ROBO1: variants seen among roughly 807,000 people sequenced by gnomAD.
ROBO1 encodes roundabout guidance receptor 1.
ROBO1 carries 149 observed loss-of-function variants against 195.9 expected under a neutral mutation model. That is an observed-to-expected ratio of 0.76 (90% CI 0.67 to 0.87). The LOEUF is 0.87. Among genes scored for constraint, ROBO1 ranks in the 40% least tolerant of loss-of-function variants. The pLI is 0.00. For missense variants in ROBO1, 1,933 were observed against 2,068.3 expected, an observed-to-expected ratio of 0.93 and a Z score of 1.27; for synonymous variants, 816 against 733.2, an observed-to-expected ratio of 1.11 and a Z score of -1.82.
chr3:79,662,700 C>T (rs917424042), intron 1 of ROBO1, among the ~76,000 whole-genome samples: 4 of 152,036 alleles, frequency 2.6e-5, no homozygotes, highest in Non-Finnish European at 4.4e-5. Flanking sequence ...TCTCAAATTC[C>T]CAGTGGACCC....
intron 2 of ROBO1, among the ~76,000 whole-genome samples, chr3:79,503,330 G>A (rs1384494726): frequency 6.6e-6 from 1 of 152,102 alleles, no homozygotes. Flanking sequence ...CGAACACATG[G>A]GAACATCAGA....
At chr3:78,981,579 T>G (rs1314816760) in intron 3 of ROBO1, among the ~76,000 whole-genome samples, 1 of 152,144 alleles carries the variant, frequency 6.6e-6, no homozygotes, top group East Asian at 1.9e-4. Context: ...CTTGGAAAAC[T>G]GAAACTCTAT....
At chr3:79,633,456 G>T (rs1329124975) in intron 1 of ROBO1, among the ~76,000 whole-genome samples, 1 of 150,014 alleles carries the variant, frequency 6.7e-6, no homozygotes, top group Non-Finnish European at 1.5e-5. Flanking sequence ...AAACTGCTAG[G>T]ACAATCGGCA....
chr3:79,510,711 C>T (rs982134570), intron 2 of ROBO1, among the ~76,000 whole-genome samples: 1 of 151,974 alleles, frequency 6.6e-6, no homozygotes, highest in East Asian at 1.9e-4. Context: ...TATGAAATGT[C>T]TATGCGACAG....
At chr3:78,875,352 TGA>T (rs1310324671) in intron 4 of ROBO1, among the ~76,000 whole-genome samples, 1 of 151,972 alleles carries the variant, frequency 6.6e-6, no homozygotes, top group East Asian at 1.9e-4. Context: ...GGAGAAAGAC[TGA>T]GAGAGACAAT....
intron 28 of ROBO1, among the ~76,000 whole-genome samples, chr3:78,611,683 A>T (rs1248240147): frequency 6.6e-6 from 1 of 152,190 alleles, no homozygotes. Context: ...GCCCCCTTAA[A>T]ATTCAAATGT....
chr3:79,390,789 A>ATT (rs35832274), intron 2 of ROBO1, among the ~76,000 whole-genome samples: 2 of 152,122 alleles, frequency 1.3e-5, no homozygotes, highest in Admixed American at 6.5e-5. Flanking sequence ...TGTAGTAAAA[A>ATT]TTGGCAGCCA....
chr3:79,619,854 G>C (rs906588983), intron 1 of ROBO1, among the ~76,000 whole-genome samples: 4 of 152,062 alleles, frequency 2.6e-5, no homozygotes, highest in Admixed American at 2.6e-4. Context: ...TAAGAAAAAG[G>C]TCCAAAAATT....
At chr3:78,795,167 T>C (rs1196471589) in intron 4 of ROBO1, among the ~76,000 whole-genome samples, 1 of 152,178 alleles carries the variant, frequency 6.6e-6, no homozygotes, top group Non-Finnish European at 1.5e-5. Flanking sequence ...TGTACTGATC[T>C]AACCTTATTC....
intron 8 of ROBO1, among the ~76,000 whole-genome samples, chr3:78,697,515 T>C (rs762888144): frequency 6.6e-6 from 1 of 152,132 alleles, no homozygotes; most frequent in Non-Finnish European, 1.5e-5. Flanking sequence ...CAAGAAAAGA[T>C]GATAATCGGC....
At chr3:79,318,687 C>T (rs561804676) in intron 2 of ROBO1, among the ~76,000 whole-genome samples, 3 of 152,248 alleles carry the variant, frequency 2.0e-5, no homozygotes, top group East Asian at 3.9e-4. Context: ...ACCACAATAG[C>T]GATGCATTTC....
At chr3:78,748,652 A>C (rs2082716429) in intron 4 of ROBO1, among the ~76,000 whole-genome samples, 1 of 152,010 alleles carries the variant, frequency 6.6e-6, no homozygotes, top group Non-Finnish European at 1.5e-5. Flanking sequence ...CTTTTTTTCA[A>C]AACCTCAAAC....
In ROBO1 at chr3:78,600,259, T is replaced by C. The variant is rs1436562425; in HGVS notation, c.4795A>G (p.Arg1599Gly). The C allele has an allele frequency of 6.2e-7, 1 of 1,613,294 alleles. No individual in the cohort carries two copies. Among genetic ancestry groups the C allele is most frequent in the Non-Finnish European group, 8.5e-7 (1 of 1,179,304 alleles). Residue 1599 changes from arginine (R) to glycine (G), a missense_variant, in exon 30 of 31, where the codon AGA becomes GGA. Arg to Gly is a moderately radical substitution (Grantham distance 125). Coordinates refer to ENST00000464233, the MANE Select transcript of ROBO1 (RefSeq NM_002941.4). ...ATTGAGCTTGAGGAACTGGGATCTC[T>C]GGGATTATTTGATGTTGGAAAAGTA... ...RPTFPTSNNP[R>G]DPSSSSSMSS...
chr3:79,709,685 C>T (rs1490452949), intron 1 of ROBO1, among the ~76,000 whole-genome samples: 1 of 150,764 alleles, frequency 6.6e-6, no homozygotes, highest in Non-Finnish European at 1.5e-5. Flanking sequence ...TTGTTATGCT[C>T]TCAATGTTTG....
At chr3:78,667,775 A>C (rs1707818408) in intron 14 of ROBO1, 108 bp downstream of exon 14, 15 of 1,140,720 alleles carry the variant, frequency 1.3e-5, no homozygotes, top group Non-Finnish European at 1.8e-5. Flanking sequence ...AACTTGAACA[A>C]CACACTGTAA....
intron 25 of ROBO1, among the ~76,000 whole-genome samples, chr3:78,629,462 C>T (rs1471099488): frequency 6.6e-6 from 1 of 151,920 alleles, no homozygotes; most frequent in Non-Finnish European, 1.5e-5. Context: ...GAGGCTGAGG[C>T]GGGACGATCG....
intron 2 of ROBO1, among the ~76,000 whole-genome samples, chr3:79,268,522 A>C (rs1011608528): frequency 6.6e-6 from 1 of 151,544 alleles, no homozygotes; most frequent in African/African-American, 2.4e-5. Context: ...ACATTGTTTC[A>C]TTTCCCCTTT....
intron 2 of ROBO1, among the ~76,000 whole-genome samples, chr3:79,528,208 T>C (rs1485499171): frequency 6.6e-6 from 1 of 152,250 alleles, no homozygotes; most frequent in African/African-American, 2.4e-5. Flanking sequence ...AAATCAATTA[T>C]GTGAAATCAC....
intron 1 of ROBO1, among the ~76,000 whole-genome samples, chr3:79,662,631 GA>G (rs1449078567): frequency 6.6e-6 from 1 of 152,068 alleles, no homozygotes; most frequent in Non-Finnish European, 1.5e-5. Flanking sequence ...CTTGCCATTT[GA>G]AAGAGACTTC....
Sources: gnomAD v4.1 joint callset for allele counts (sites outside exome capture counted in the v4.1 genomes callset) on GRCh38, gnomAD v4.1.1 for gene constraint, MANE v1.5 for transcripts, NCBI Gene and HGNC (gene_info 2026-07-23, HGNC 2026-07-21) for gene names.